PHLDB2: variants seen among roughly 807,000 people sequenced by gnomAD.
PHLDB2 encodes the protein pleckstrin homology like domain family B member 2.
In PHLDB2, 71 loss-of-function variants were observed where a neutral mutation model predicts 123.6. That is an observed-to-expected ratio of 0.57 (90% confidence interval 0.47 to 0.70). PHLDB2 has a LOEUF of 0.70. PHLDB2 is among the 30% of genes least tolerant of loss of function. The pLI, the probability that PHLDB2 is intolerant of heterozygous loss-of-function variation, is 0.00. For missense variants in PHLDB2, 1,446 were observed against 1,519.5 expected, an observed-to-expected ratio of 0.95 and a Z score of 0.80; for synonymous variants, 547 against 541.6, an observed-to-expected ratio of 1.01 and a Z score of -0.14.
intron 1 of PHLDB2, among the ~76,000 whole-genome samples, chr3:111,764,821 G>A (rs1245502739): frequency 1.3e-5 from 2 of 152,198 alleles, no homozygotes; most frequent in Non-Finnish European, 2.9e-5. Context: ...TCAAAGTGCA[G>A]GAAACAAGGT....
At chr3:111,751,243 A>G (rs1440750278) in intron 1 of PHLDB2, among the ~76,000 whole-genome samples, 1 of 151,332 alleles carries the variant, frequency 6.6e-6, no homozygotes, top group Non-Finnish European at 1.5e-5. Flanking sequence ...TCCAGCAGGG[A>G]GGAAGATTTG....
chr3:111,851,762 G>A lies in PHLDB2; in HGVS notation c.67+5827G>A, dbSNP rs193220612. Among the ~76,000 whole-genome samples the A allele has an allele frequency of 6.3e-3, 961 of 152,098 alleles. 6 individuals carry two copies. Among genetic ancestry groups the A allele is most frequent in the Admixed American group, 7.6e-3 (116 of 15,268 alleles). ...AAATGACATAATTAAAATGGTATTCGATGCGAAGCCTAAAATTCAAAGCCC... is the reference window on the plus strand; with the variant it reads ...AAATGACATAATTAAAATGGTATTCAATGCGAAGCCTAAAATTCAAAGCCC... On this transcript the variant is annotated intron_variant, in intron 2 of 17. Coordinates refer to the PHLDB2 transcript ENST00000393923.
At chr3:111,805,926 T>C (rs2061566454) in intron 1 of PHLDB2, among the ~76,000 whole-genome samples, 1 of 139,106 alleles carries the variant, frequency 7.2e-6, no homozygotes. Context: ...CTACATTTTG[T>C]ATTATATAAA....
chr3:111,956,452 G>T (rs1329034188), intron 12 of PHLDB2, among the ~76,000 whole-genome samples: 1 of 152,158 alleles, frequency 6.6e-6, no homozygotes, highest in Non-Finnish European at 1.5e-5. Flanking sequence ...TGATGTTCCC[G>T]TTGCAAAATC....
intron 4 of PHLDB2, among the ~76,000 whole-genome samples, 177 bp downstream of exon 4, chr3:111,919,392 T>TA (rs2068362585): frequency 1.6e-5 from 2 of 121,260 alleles, no homozygotes; most frequent in Admixed American, 1.7e-4. Context: ...CTTTTTTCTT[T>TA]CTTTTTTTTT....
At chr3:111,780,321 GGAAGAAGAAGAAGAAGAA>G (rs776116547) in intron 1 of PHLDB2, among the ~76,000 whole-genome samples, 23 of 3,676 alleles carry the variant, frequency 6.3e-3, no homozygotes, top group African/African-American at 0.012. Flanking sequence ...AAGAGGAAGA[GGAAGAAGAAGAAGAAGAA>G]GAAGAAGAAG....
chr3:111,939,988 T>C (rs2069761276), intron 7 of PHLDB2, among the ~76,000 whole-genome samples: 2 of 152,298 alleles, frequency 1.3e-5, no homozygotes, highest in South Asian at 4.1e-4. Flanking sequence ...TGCTCAGTAG[T>C]TCTCAAAACT....
Position 111,962,209 on chromosome 3 carries a change from C to T in PHLDB2, c.2974C>T (p.Pro992Ser). ...TGTCTACTTGAATAGTTTCCATTAT[C>T]CAGATCACAGCTACAAGGACCAGGC... ...SNVYLNSFHY[P>S]DHSYKDQAFD... The change falls in exon 13 of 18, where the codon CCA becomes TCA. Residue 992 changes from proline to serine, a missense_variant. Physicochemically the swap from Pro to Ser is moderately conservative, Grantham distance 74 (BLOSUM62 -1). This residue lies in a region of PHLDB2 where 594 missense variants were observed against 646.0 expected (regional missense o/e 0.92). Transcript: ENST00000431670. 1 of 1,581,812 alleles carries T rather than the reference C, an allele frequency of 6.3e-7. No homozygotes were observed.
rs116705395 is a variant in PHLDB2 at position 111,949,135 on chromosome 3, C to T, written c.2631+60C>T. 5.6e-4 allele frequency: 891 copies of T among 1,580,730 alleles called. 2 individuals carry two copies. The African/African-American group carries it at 0.01, about 18-fold the overall frequency. On this transcript the variant is annotated intron_variant, in intron 10 of 17. Transcript: ENST00000431670. ...TTTCTTCATGTCAGAAATTAACCCA[C>T]GGCCAACTGAAAATGAGGTCCACGA... is the stretch of plus-strand genomic sequence containing the variant.
chr3:111,948,289 A>G (rs1266273768), intron 9 of PHLDB2, among the ~76,000 whole-genome samples: 1 of 152,024 alleles, frequency 6.6e-6, no homozygotes, highest in Non-Finnish European at 1.5e-5. Flanking sequence ...GTGTTTGTGC[A>G]TGCACACATT....
intron 1 of PHLDB2, among the ~76,000 whole-genome samples, chr3:111,737,059 A>G (rs955434076): frequency 5.9e-5 from 9 of 152,164 alleles, no homozygotes; most frequent in Non-Finnish European, 1.3e-4. Flanking sequence ...GAACCTAAGG[A>G]AGTCCTTCTA....
chr3:111,923,001 G>A (rs1346941018), intron 5 of PHLDB2, among the ~76,000 whole-genome samples: 4 of 152,102 alleles, frequency 2.6e-5, no homozygotes, highest in African/African-American at 9.7e-5. Flanking sequence ...TTTACTGTCA[G>A]CATGCCAATA....
chr3:111,853,361 A>G (rs1225880055), intron 2 of PHLDB2, among the ~76,000 whole-genome samples: 3 of 152,236 alleles, frequency 2.0e-5, no homozygotes, highest in Non-Finnish European at 4.4e-5. Context: ...AAATGAAAGT[A>G]CATTCATTTT....
rs2064670909 is a variant in PHLDB2 at position 111,859,315 on chromosome 3, C to CA, written c.-273dup. 1 of 985,432 alleles carries CA rather than the reference C, an allele frequency of 1.0e-6. No individual in the cohort carries two copies. Among genetic ancestry groups the CA allele is most frequent in the Admixed American group, 6.1e-5 (1 of 16,274 alleles). The allele number at this position is 985,432 out of a possible 1,614,324, so 61.0% of individuals were successfully genotyped here. A position where few individuals can be genotyped will look rare whatever the true frequency, so the allele number is the denominator to read the frequency against. On this transcript the variant is annotated 5_prime_UTR_variant, in exon 1 of 18. It removes the in-frame stop codon of an upstream open reading frame in the 5' UTR. Transcript: ENST00000431670. The stretch of plus-strand genomic sequence containing the variant: ...GAGAAGCTGGCGCCCAGTGATGGGG[C>CA]AAACAGCCATGCCCTTCCAGCAGCC...
chr3:111,787,029 T>G (rs1304799630), intron 1 of PHLDB2, among the ~76,000 whole-genome samples: 1 of 152,212 alleles, frequency 6.6e-6, no homozygotes, highest in Non-Finnish European at 1.5e-5. Flanking sequence ...TGCTAGGTAC[T>G]ATTGATTCAA....
At chr3:111,969,632 T>C in intron 15 of PHLDB2, 58 bp from the exon 16 acceptor site, 1 of 1,405,048 alleles carries the variant, frequency 7.1e-7, no homozygotes, top group South Asian at 1.2e-5. Flanking sequence ...TAAACATCTG[T>C]GACCTAAAAC....
intron 1 of PHLDB2, among the ~76,000 whole-genome samples, chr3:111,812,167 T>C (rs1366219473): frequency 1.3e-5 from 2 of 152,246 alleles, no homozygotes; most frequent in East Asian, 3.8e-4. Context: ...ATTTTTGTTT[T>C]ACAGACTATT....
intron 2 of PHLDB2, chr3:111,885,678 C>A: frequency 1.6e-6 from 1 of 644,222 alleles, no homozygotes; most frequent in Non-Finnish European, 2.7e-6. Context: ...TCTTTAAAAA[C>A]ATAACAGAGG....
Position 111,796,053 on chromosome 3 carries a change from C to T in PHLDB2, c.-48-49768C>T, listed in dbSNP as rs371361945. 1.2e-3 allele frequency among the ~76,000 whole-genome samples: 187 copies of T among 152,142 alleles called. 1 individual carries two copies. Among genetic ancestry groups the T allele is most frequent in the African/African-American group, 4.2e-3 (175 of 41,530 alleles). On this transcript the variant is annotated intron_variant, in intron 1 of 17. Transcript: ENST00000393923. ...CTGGGATTACAGGCGCCCGCCACCA[C>T]GCCCGGGCTAATTTTGTGTATTTTT...
Sources: gnomAD v4.1 joint callset for allele counts (sites outside exome capture counted in the v4.1 genomes callset) on GRCh38, gnomAD v4.1.1 for gene constraint, gnomAD v4.1.1 regional missense constraint, MANE v1.5 for transcripts, NCBI Gene and HGNC (gene_info 2026-07-23, HGNC 2026-07-21) for gene names.